XXYLT1: variants seen among roughly 807,000 people sequenced by gnomAD.
The protein encoded by XXYLT1 is xyloside xylosyltransferase 1.
XXYLT1 carries 20 observed loss-of-function variants against 28.9 expected under a neutral mutation model. The observed-to-expected ratio is 0.69, with a 90% CI of 0.49 to 1.00. The LOEUF (loss-of-function observed/expected upper bound fraction) is 1.00, where lower values mean the gene tolerates loss of function less well. Ranked by LOEUF, XXYLT1 falls within the 50% of genes least tolerant of loss-of-function variation. The probability of loss-of-function intolerance (pLI) is 0.00; values close to 1 mark genes in which losing one functional copy is unlikely to be tolerated. For synonymous variants in XXYLT1, 257 were observed against 253.8 expected, an observed-to-expected ratio of 1.01 and a Z score of -0.12; for missense variants, 542 against 560.1, an observed-to-expected ratio of 0.97 and a Z score of 0.33.
chr3:195,093,586 C>T (rs1361222282), intron 3 of XXYLT1, among the ~76,000 whole-genome samples: 6 of 149,700 alleles, frequency 4.0e-5, no homozygotes, highest in Non-Finnish European at 5.9e-5. Flanking sequence ...TGCTAGATGA[C>T]GAGTTAGTGG....
chr3:195,157,360 A>T (rs770220155), intron 2 of XXYLT1, among the ~76,000 whole-genome samples: 1 of 151,952 alleles, frequency 6.6e-6, no homozygotes, highest in African/African-American at 2.4e-5. Flanking sequence ...TCAGGCCTTT[A>T]TCAGTGCGTT....
chr3:195,124,909 G>A lies in XXYLT1; in HGVS notation c.785+31540C>T, dbSNP rs1560108148. Reference sequence around the variant, plus strand: ...ATCTGTATTTTCTATCAGGCTGCGGGTGCACAAGGCTGTCCCGGGTTATTT... The same window carrying A: ...ATCTGTATTTTCTATCAGGCTGCGGATGCACAAGGCTGTCCCGGGTTATTT... On this transcript the variant is annotated intron_variant, in intron 3 of 3. Coordinates refer to ENST00000310380, the MANE Select transcript of XXYLT1 (RefSeq NM_152531.5). This position sits in a 1 kb window ranked among gnomAD's most constrained non-coding sequence, Gnocchi z 4.1. Among the ~76,000 whole-genome samples, 10 of 152,224 alleles carry A rather than the reference G, an allele frequency of 6.6e-5. 1 individual carries two copies. The highest frequency in any genetic ancestry group is 6.5e-4 in the Admixed American group (10 of 15,286).
At chr3:195,242,595 C>G (rs1405176336) in intron 1 of XXYLT1, among the ~76,000 whole-genome samples, 1 of 152,046 alleles carries the variant, frequency 6.6e-6, no homozygotes, top group African/African-American at 2.4e-5. Flanking sequence ...GGGTTTGGAA[C>G]AAGGAGAAAC....
chr3:195,110,134 GT>G (rs1717449269), intron 3 of XXYLT1, among the ~76,000 whole-genome samples: 1 of 55,306 alleles, frequency 1.8e-5, no homozygotes, highest in Non-Finnish European at 4.0e-5. Context: ...GTGTGTGTGT[GT>G]GGTGTGTGTG....
rs565921686 is a variant in XXYLT1 at position 195,115,383 on chromosome 3, T to C, written c.785+41066A>G. Reference sequence around the variant, plus strand: ...CTCCTAGAGAGTCCAGGAATGGCTGTGGGCTGGCAACAGCTGCTTCTGAAC... The same window carrying C: ...CTCCTAGAGAGTCCAGGAATGGCTGCGGGCTGGCAACAGCTGCTTCTGAAC... On this transcript the variant is annotated intron_variant, in intron 3 of 3. Transcript: ENST00000310380. The surrounding 1 kb of genome is among the most constrained non-coding windows in gnomAD (Gnocchi z 4.2). Among the ~76,000 whole-genome samples the C allele has an allele frequency of 1.3e-3, 196 of 152,270 alleles. 1 individual carries two copies. Among genetic ancestry groups the C allele is most frequent in the Middle Eastern group, 3.4e-3 (1 of 294 alleles).
intron 2 of XXYLT1, among the ~76,000 whole-genome samples, chr3:195,191,155 A>G (rs1722402777): frequency 6.6e-6 from 1 of 152,206 alleles, no homozygotes; most frequent in Admixed American, 6.5e-5. Context: ...CTTGAACAAT[A>G]CAACTTTGAA....
chr3:195,237,899 T>C (rs553791500), intron 1 of XXYLT1, among the ~76,000 whole-genome samples: 108 of 152,224 alleles, frequency 7.1e-4, no homozygotes, highest in African/African-American at 2.5e-3. Context: ...AAATTATGTT[T>C]CTCATTCCCA....
chr3:195,251,716 T>G (rs910912845), intron 1 of XXYLT1, among the ~76,000 whole-genome samples: 2 of 152,122 alleles, frequency 1.3e-5, no homozygotes, highest in African/African-American at 4.8e-5. Flanking sequence ...AAGCCTCTAC[T>G]ACCTCCTGCC....
chr3:195,100,541 G>A (rs576014492), intron 3 of XXYLT1, among the ~76,000 whole-genome samples: 15 of 152,054 alleles, frequency 9.9e-5, no homozygotes, highest in African/African-American at 2.9e-4. Flanking sequence ...TAAGGCTCCC[G>A]GTGATGTGGC....
intron 2 of XXYLT1, among the ~76,000 whole-genome samples, chr3:195,199,656 A>C (rs1675038107): frequency 6.6e-6 from 1 of 152,064 alleles, no homozygotes; most frequent in Non-Finnish European, 1.5e-5. Flanking sequence ...AAAGGCCTAG[A>C]GCTAAGGAGT....
At chr3:195,114,102 T>C (rs894796933) in intron 3 of XXYLT1, among the ~76,000 whole-genome samples, 2 of 152,216 alleles carry the variant, frequency 1.3e-5, no homozygotes, top group African/African-American at 4.8e-5. Flanking sequence ...AGATTCTGAA[T>C]GCATTCCAAG....
chr3:195,199,300 G>A (rs932028847), intron 2 of XXYLT1, among the ~76,000 whole-genome samples: 11 of 152,128 alleles, frequency 7.2e-5, no homozygotes, highest in Admixed American at 3.3e-4. Flanking sequence ...TTGCGGTTGC[G>A]TATGCCTACA....
At chr3:195,135,805 T>A (rs1216627420) in intron 3 of XXYLT1, among the ~76,000 whole-genome samples, 1 of 152,088 alleles carries the variant, frequency 6.6e-6, no homozygotes, top group Admixed American at 6.6e-5. Flanking sequence ...GATGGACGGA[T>A]GGACAGACGG....
intron 3 of XXYLT1, among the ~76,000 whole-genome samples, chr3:195,098,003 G>A (rs1184405883): frequency 6.6e-6 from 1 of 152,130 alleles, no homozygotes; most frequent in Admixed American, 6.5e-5. Context: ...CGGGTCGGGA[G>A]GGGAACAGTG....
At chr3:195,198,171 G>C (rs941150398) in intron 2 of XXYLT1, among the ~76,000 whole-genome samples, 9 of 152,168 alleles carry the variant, frequency 5.9e-5, no homozygotes, top group African/African-American at 2.2e-4. Context: ...TGCATTTCCT[G>C]ACCATGGAGC....
chr3:195,245,225 A>AT (rs1035515356), intron 1 of XXYLT1, among the ~76,000 whole-genome samples: 1 of 132,810 alleles, frequency 7.5e-6, no homozygotes, highest in Non-Finnish European at 1.6e-5. Flanking sequence ...CAGTGGTGTG[A>AT]TTTTGGCTCA....
At chr3:195,268,833 G>A (rs1005083154) in intron 1 of XXYLT1, among the ~76,000 whole-genome samples, 6 of 152,170 alleles carry the variant, frequency 3.9e-5, no homozygotes, top group Non-Finnish European at 5.9e-5. Context: ...CAAGACAGGA[G>A]GGGCTCGGCC....
At chr3:195,184,599 G>T in intron 2 of XXYLT1, 1 of 984,994 alleles carries the variant, frequency 1.0e-6, no homozygotes, top group Non-Finnish European at 1.2e-6. Flanking sequence ...ACCCCCCCAA[G>T]AAACATTTAA....
rs898612904 is a variant in XXYLT1, at chr3:195,176,007, TAAGTC to T, written c.653-19431_653-19427del. Among the ~76,000 whole-genome samples, 2 of 152,222 alleles carry T rather than the reference TAAGTC, an allele frequency of 1.3e-5. No homozygotes were observed. Among genetic ancestry groups the T allele is most frequent in the African/African-American group, 2.4e-5 (1 of 41,446 alleles). On this transcript the variant is annotated intron_variant, in intron 2 of 3. Transcript: ENST00000310380. The surrounding 1 kb of genome is among the most constrained non-coding windows in gnomAD (Gnocchi z 4.9). ...GGTCATCAGTGTATACGTAGCAGCTTAAGTCAAGTAGACACAATCTTTTTTCTGCC... is the reference window on the plus strand; with the variant it reads ...GGTCATCAGTGTATACGTAGCAGCTTAAGTAGACACAATCTTTTTTCTGCC...
Sources: gnomAD v4.1 joint callset for allele counts (sites outside exome capture counted in the v4.1 genomes callset) on GRCh38, gnomAD v4.1.1 for gene constraint, Gnocchi (gnomAD v3.1) non-coding constraint, MANE v1.5 for transcripts, NCBI Gene and HGNC (gene_info 2026-07-23, HGNC 2026-07-21) for gene names.